MFN2: variants seen among roughly 807,000 people sequenced by gnomAD.
The protein encoded by MFN2 is mitofusin 2.
A neutral mutation model predicts 87.5 loss-of-function variants in MFN2; 43 were observed. The observed-to-expected ratio is 0.49, with a 90% CI of 0.38 to 0.63. The LOEUF is 0.63. MFN2 is among the 30% of genes least tolerant of loss of function. MFN2 has a pLI of 0.00. For synonymous variants in MFN2, 337 were observed against 359.9 expected (o/e 0.94, Z 0.72); for missense variants, 743 against 972.8 (o/e 0.76, Z 3.14).
intron 18 of MFN2, 131 bp from the exon 19 acceptor site, chr1:12,011,365 A>G: frequency 1.1e-6 from 1 of 942,912 alleles, no homozygotes; most frequent in African/African-American, 1.6e-5. Context: ...TCTGTGAGAC[A>G]GGGATAAACA....
chr1:11,999,273 C>G (rs1284905320), intron 8 of MFN2, among the ~76,000 whole-genome samples, 178 bp downstream of exon 8: 1 of 152,200 alleles, frequency 6.6e-6, no homozygotes, highest in African/African-American at 2.4e-5. Flanking sequence ...CTCCCATCCA[C>G]TTTGCTGGAT....
chr1:11,981,463 A>C (rs1475748062), intron 1 of MFN2, among the ~76,000 whole-genome samples: 2 of 152,206 alleles, frequency 1.3e-5, no homozygotes, highest in African/African-American at 4.8e-5. Flanking sequence ...GCGCTGCTGC[A>C]CTCCAGGAGC....
chr1:11,980,719 G>A (rs1034537236), intron 1 of MFN2, among the ~76,000 whole-genome samples: 1 of 152,198 alleles, frequency 6.6e-6, no homozygotes, highest in African/African-American at 2.4e-5. Flanking sequence ...CATCGCCCCC[G>A]CCTTTCCACC....
chr1:11,991,950 A>AAAAAAAAAG (rs1202436105), intron 3 of MFN2, among the ~76,000 whole-genome samples: 1 of 142,664 alleles, frequency 7.0e-6, no homozygotes, highest in African/African-American at 2.8e-5. Flanking sequence ...AAAAAAAAAA[A>AAAAAAAAAG]AAGAAGTGAC....
chr1:11,985,811 C>T (rs978148216), intron 2 of MFN2, among the ~76,000 whole-genome samples: 11 of 152,152 alleles, frequency 7.2e-5, no homozygotes, highest in Non-Finnish European at 1.2e-4. Flanking sequence ...TCCTCTTGTG[C>T]CTGCCACATC....
At chr1:11,999,726 A>G (rs116014709) in intron 8 of MFN2, among the ~76,000 whole-genome samples, 2,327 of 152,154 alleles carry the variant, frequency 0.015, 65 homozygotes, top group African/African-American at 0.052. Flanking sequence ...GCACACCTAT[A>G]GGCTGAGAGA....
chr1:12,006,584 CA>C lies in MFN2; in HGVS notation c.1764del (p.Leu589CysfsTer22), dbSNP rs1344029009. 1 of 1,614,250 alleles carries C rather than the reference CA, an allele frequency of 6.2e-7. No individual in the cohort carries two copies. Among genetic ancestry groups the C allele is most frequent in the Admixed American group, 1.7e-5 (1 of 60,032 alleles). On this transcript the variant is annotated frameshift_variant, in exon 16 of 19. Coordinates refer to ENST00000235329, the MANE Select transcript of MFN2 (RefSeq NM_014874.4). LOFTEE classifies it high-confidence loss of function. ...PLTPANPSMP[P>X]LPQGSLTQEE... Reference sequence around the variant, plus strand: ...ACGCCAGCCAACCCCAGCATGCCCCCACTGCCACAGGGCTCGCTCACCCAGG... The same window carrying C: ...ACGCCAGCCAACCCCAGCATGCCCCCCTGCCACAGGGCTCGCTCACCCAGG...
Position 12,004,735 on chromosome 1 carries a change from TC to T in MFN2, c.1393-88del. 1 of 1,500,634 alleles carries T rather than the reference TC, an allele frequency of 6.7e-7. No homozygotes were observed. The highest frequency in any genetic ancestry group is 1.1e-5 in the South Asian group (1 of 87,892). The allele number at this position is 1,500,634 out of a possible 1,614,324, so 93.0% of individuals were successfully genotyped here. A position where few individuals can be genotyped will look rare whatever the true frequency, so the allele number is the denominator to read the frequency against. On this transcript the variant is annotated intron_variant, in intron 13 of 18. Transcript: ENST00000235329. This position sits in a 1 kb window ranked among gnomAD's most constrained non-coding sequence, Gnocchi z 4.2. ...AAGCCACAGAGACAAGGCCCAGGCT[TC>T]CGTCAGCCTTCTGGGGTCACCTGGT...
At chr1:11,992,797 A>G in intron 4 of MFN2, 107 bp downstream of exon 4, 1 of 1,327,280 alleles carries the variant, frequency 7.5e-7, no homozygotes, top group Non-Finnish European at 1.1e-6. Flanking sequence ...TTCAGAATTC[A>G]TTGCTTTCCT....
intron 4 of MFN2, among the ~76,000 whole-genome samples, chr1:11,992,967 C>CTTTTTTTTTTT (rs35911686): frequency 1.4e-5 from 2 of 143,992 alleles, no homozygotes; most frequent in Non-Finnish European, 3.0e-5. Context: ...TCAAGCCTGA[C>CTTTTTTTTTTT]TTTTTTTTTT....
chr1:12,002,698 T>C (rs1639231551), intron 11 of MFN2, among the ~76,000 whole-genome samples: 1 of 152,130 alleles, frequency 6.6e-6, no homozygotes, highest in Non-Finnish European at 1.5e-5. Context: ...TAAAGAATAA[T>C]ATGAAAACAC....
chr1:11,998,091 C>T (rs548929456), intron 6 of MFN2, among the ~76,000 whole-genome samples: 171 of 149,386 alleles, frequency 1.1e-3, no homozygotes, highest in South Asian at 4.4e-4. Context: ...ACCATGTTGG[C>T]CAGGCTGGTC....
intron 18 of MFN2, 36 bp downstream of exon 18, chr1:12,009,762 C>T: frequency 6.2e-7 from 1 of 1,613,804 alleles, no homozygotes; most frequent in Non-Finnish European, 8.5e-7. Flanking sequence ...GTTAGGGCTC[C>T]AGGGTGCAGC....
intron 17 of MFN2, 48 bp from the exon 18 acceptor site, chr1:12,009,544 C>T (rs1557537070): frequency 6.2e-7 from 1 of 1,613,814 alleles, no homozygotes; most frequent in South Asian, 1.1e-5. Flanking sequence ...CCACCAGTGG[C>T]ATCTTGCTCC....
At chr1:11,997,771 A>T (rs1638974953) in intron 6 of MFN2, among the ~76,000 whole-genome samples, 1 of 150,930 alleles carries the variant, frequency 6.6e-6, no homozygotes, top group South Asian at 2.1e-4. Flanking sequence ...TTGAAGAAAC[A>T]CTTTGCCTTG....
Position 12,011,561 on chromosome 1 carries a change from G to C in MFN2, c.2270G>C (p.Arg757Thr), listed in dbSNP as rs377146672. Residue 757 changes from arginine to threonine, a missense_variant, in exon 19 of 19, where the codon AGA (arginine) becomes ACA (threonine). Transcript: ENST00000235329. Reference protein sequence around the residue: ...MFTHQYLQPSR With the variant: ...MFTHQYLQPST ...ACACACCAGTACCTGCAGCCCAGCAGATAGTGGGCACCTGAGGCGGAGTCT... is the reference window on the plus strand; with the variant it reads ...ACACACCAGTACCTGCAGCCCAGCACATAGTGGGCACCTGAGGCGGAGTCT... 4.3e-6 allele frequency: 7 copies of C among 1,613,758 alleles called. No individual in the cohort carries two copies. In the African/African-American group the frequency reaches 6.7e-5, roughly 15 times the overall value.
chr1:11,990,954 T>C (rs1318969123), intron 3 of MFN2, among the ~76,000 whole-genome samples: 1 of 152,194 alleles, frequency 6.6e-6, no homozygotes, highest in Non-Finnish European at 1.5e-5. Flanking sequence ...GGGCAGGCCC[T>C]TGTCATGCTT....
In MFN2 at chr1:12,011,920, G is replaced by A. The variant is rs968592519; in HGVS notation, c.*355G>A. 13 of 347,026 alleles carry A rather than the reference G, an allele frequency of 3.7e-5. No individual in the cohort carries two copies. Among genetic ancestry groups the A allele is most frequent in the African/African-American group, 2.5e-4 (12 of 48,076 alleles). 21.5% of individuals were successfully genotyped at this position (347,026 alleles called of 1,614,324 possible). On this transcript the variant is annotated 3_prime_UTR_variant, in exon 19 of 19. Transcript: ENST00000235329. ...ACAATGCCTCATGGAAGCCTTTGAG[G>A]GTATCACACAGACACCCCCACCTTC...
chr1:12,010,220 A>T (rs1639632113), intron 18 of MFN2, among the ~76,000 whole-genome samples: 3 of 152,226 alleles, frequency 2.0e-5, no homozygotes, highest in African/African-American at 7.2e-5. Flanking sequence ...TGGAGGCTCA[A>T]CAAGACACAG....
Sources: allele counts gnomAD v4.1 joint callset (sites outside exome capture counted in the v4.1 genomes callset), GRCh38; gene constraint gnomAD v4.1.1; non-coding constraint Gnocchi (gnomAD v3.1); transcripts MANE v1.5; gene names NCBI Gene and HGNC (gene_info 2026-07-23, HGNC 2026-07-21).